Variants in SLC14A2 observed in about 807,000 individuals in gnomAD.
SLC14A2 encodes solute carrier family 14 member 2.
SLC14A2 carries 91 observed loss-of-function variants against 104.6 expected under a neutral mutation model. The ratio of observed to expected loss-of-function variants is 0.87; its 90% CI spans 0.73 to 1.04. The LOEUF is 1.04. SLC14A2 is among the 50% of genes least tolerant of loss of function. The pLI is 0.00. For synonymous variants in SLC14A2, 476 were observed against 466.4 expected (o/e 1.02, Z -0.27); for missense variants, 1,189 against 1,156.0 (o/e 1.03, Z -0.41).
intron 1 of SLC14A2, among the ~76,000 whole-genome samples, chr18:45,373,944 C>A (rs60018212): frequency 0.094 from 14,323 of 152,250 alleles, 1,286 homozygotes; most frequent in African/African-American, 0.24. Flanking sequence ...TGGCTCAACC[C>A]AAGAAATACT....
At chr18:45,662,448 C>T (rs999963830) in intron 10 of SLC14A2, among the ~76,000 whole-genome samples, 9 of 152,272 alleles carry the variant, frequency 5.9e-5, no homozygotes, top group African/African-American at 1.7e-4. Flanking sequence ...TTCCAGCTTT[C>T]GTATGCACAC....
At chr18:45,540,363 G>C (rs539950496) in intron 2 of SLC14A2, among the ~76,000 whole-genome samples, 1 of 152,254 alleles carries the variant, frequency 6.6e-6, no homozygotes, top group East Asian at 1.9e-4. Flanking sequence ...CGGGGCTGCT[G>C]CTGAGCCTTA....
At chr18:45,175,684 A>C in the SLC14A2 span, among the ~76,000 whole-genome samples, 1 of 152,190 alleles carries the variant, frequency 6.6e-6, no homozygotes, top group Non-Finnish European at 1.5e-5. Flanking sequence ...CTGTTCGCTG[A>C]GACGGGTTAC....
At chr18:45,567,761 G>A (rs1417692297) in intron 2 of SLC14A2, among the ~76,000 whole-genome samples, 1 of 152,004 alleles carries the variant, frequency 6.6e-6, no homozygotes, top group Non-Finnish European at 1.5e-5. Flanking sequence ...GACAGTTACT[G>A]GGTTCAAAGT....
At chr18:45,616,430 A>T (rs1286206186) in intron 1 of SLC14A2, among the ~76,000 whole-genome samples, 1 of 152,196 alleles carries the variant, frequency 6.6e-6, no homozygotes, top group African/African-American at 2.4e-5. Flanking sequence ...TGCCCTGGGC[A>T]TTGACTACTC....
At chr18:45,652,951 A>G (rs972499197) in intron 10 of SLC14A2, among the ~76,000 whole-genome samples, 7 of 152,014 alleles carry the variant, frequency 4.6e-5, no homozygotes, top group African/African-American at 1.7e-4. Context: ...TTTCAAATTA[A>G]TGACATATTG....
chr18:45,665,649 A>G (rs1474788711), intron 11 of SLC14A2, among the ~76,000 whole-genome samples: 1 of 146,190 alleles, frequency 6.8e-6, no homozygotes, highest in Non-Finnish European at 1.5e-5. Flanking sequence ...TTAATACTTT[A>G]TGAACAGGAA....
At chr18:45,420,579 C>G (rs2086332984) in intron 1 of SLC14A2, among the ~76,000 whole-genome samples, 1 of 152,118 alleles carries the variant, frequency 6.6e-6, no homozygotes, top group African/African-American at 2.4e-5. Context: ...ATGTTCTACC[C>G]ATGCTGAGGT....
chr18:45,382,035 A>T (rs2144384356), intron 1 of SLC14A2, among the ~76,000 whole-genome samples: 1 of 152,282 alleles, frequency 6.6e-6, no homozygotes, highest in Admixed American at 6.5e-5. Flanking sequence ...CTACCTGGCA[A>T]CCTTCATTCA....
At chr18:45,339,091 C>T (rs577586728) in intron 1 of SLC14A2, among the ~76,000 whole-genome samples, 1 of 152,256 alleles carries the variant, frequency 6.6e-6, no homozygotes, top group Non-Finnish European at 1.5e-5. Context: ...TGTGTGCCAC[C>T]ATGTTGGGCT....
intron 1 of SLC14A2, among the ~76,000 whole-genome samples, chr18:45,295,807 C>G (rs2084913043): frequency 6.6e-6 from 1 of 152,146 alleles, no homozygotes; most frequent in African/African-American, 2.4e-5. Context: ...CCTTTCTGGT[C>G]TCTTTTATCA....
intron 1 of SLC14A2, among the ~76,000 whole-genome samples, chr18:45,265,845 G>T (rs1305779735): frequency 6.6e-6 from 1 of 152,142 alleles, no homozygotes; most frequent in Admixed American, 6.5e-5. Flanking sequence ...ACAAATATTT[G>T]TTAAGCACCT....
chr18:45,190,064 G>A, the SLC14A2 span, among the ~76,000 whole-genome samples: 1 of 152,132 alleles, frequency 6.6e-6, no homozygotes, highest in Non-Finnish European at 1.5e-5. Context: ...AGCAACATTT[G>A]AACATAGGGG....
intron 2 of SLC14A2, among the ~76,000 whole-genome samples, chr18:45,522,516 A>G (rs958476727): frequency 1.4e-4 from 21 of 152,116 alleles, no homozygotes; most frequent in African/African-American, 4.8e-4. Flanking sequence ...GCAATCCTAC[A>G]TAACTCACTA....
At chr18:45,398,554 AT>A (rs5824579) in intron 1 of SLC14A2, among the ~76,000 whole-genome samples, 83,728 of 151,858 alleles carry the variant, frequency 0.55, 23,486 homozygotes, top group Admixed American at 0.63. Context: ...CAAATGTTCA[AT>A]TGACAGATGA....
chr18:45,253,315 G>A (rs1168235516), intron 1 of SLC14A2, among the ~76,000 whole-genome samples: 1 of 152,128 alleles, frequency 6.6e-6, no homozygotes, highest in Admixed American at 6.5e-5. Context: ...GCAGGAAAGA[G>A]CAAATGGGAA....
intron 2 of SLC14A2, among the ~76,000 whole-genome samples, chr18:45,559,594 A>G (rs765119586): frequency 4.6e-5 from 7 of 152,230 alleles, no homozygotes; most frequent in Non-Finnish European, 8.8e-5. Flanking sequence ...TCAGGTGGAC[A>G]AAGCCCTGTG....
chr18:45,213,521 A>G (rs1401009726), intron 1 of SLC14A2, among the ~76,000 whole-genome samples: 1 of 152,176 alleles, frequency 6.6e-6, no homozygotes, highest in Non-Finnish European at 1.5e-5. Flanking sequence ...TATATACCAA[A>G]AGCATTAATA....
At chr18:45,288,340 T>G (rs1482556030) in intron 1 of SLC14A2, among the ~76,000 whole-genome samples, 2 of 152,184 alleles carry the variant, frequency 1.3e-5, no homozygotes, top group African/African-American at 4.8e-5. Context: ...GTGAGCTGCC[T>G]CACCCTAGAC....
Sources: gnomAD v4.1 joint callset for allele counts (sites outside exome capture counted in the v4.1 genomes callset) on GRCh38, gnomAD v4.1.1 for gene constraint, MANE v1.5 for transcripts, NCBI Gene and HGNC (gene_info 2026-07-23, HGNC 2026-07-21) for gene names.